Variants in IQSEC1 observed in about 807,000 individuals in gnomAD.
IQSEC1 encodes IQ motif and SEC7 domain-containing protein 1.
Under a neutral mutation model 91.0 loss-of-function variants are expected in IQSEC1, and 31 were observed. The ratio of observed to expected loss-of-function variants is 0.34; its 90% CI spans 0.26 to 0.46. The LOEUF is 0.46. Among genes scored for constraint, IQSEC1 ranks in the 20% least tolerant of loss-of-function variants. The pLI is 1.00. For synonymous variants in IQSEC1, 699 were observed against 662.6 expected, an observed-to-expected ratio of 1.05 and a Z score of -0.84; for missense variants, 1,388 against 1,575.6, an observed-to-expected ratio of 0.88 and a Z score of 2.02.
rs187202637 is a variant in IQSEC1, at chr3:12,901,763, A to C, written c.2806-241T>G. ...GGGAGTGAGGGCAGGGGAGGGGCCC[A>C]TCTCTCTGACCACCACGGCAGAAGT... On this transcript the variant is annotated intron_variant, in intron 13 of 13. Transcript: ENST00000613206. Among the ~76,000 whole-genome samples the C allele has an allele frequency of 3.1e-4, 47 of 152,246 alleles. 1 individual carries two copies. In the East Asian group the frequency reaches 8.5e-3, roughly 28 times the overall value.
chr3:13,065,896 T>C (rs1324377850), intron 1 of IQSEC1, among the ~76,000 whole-genome samples: 2 of 152,194 alleles, frequency 1.3e-5, no homozygotes, highest in Non-Finnish European at 2.9e-5. Flanking sequence ...TGGAACAGTG[T>C]TCAGCTTTAA....
At chr3:13,032,820 G>A (rs541885510) in intron 1 of IQSEC1, among the ~76,000 whole-genome samples, 159 of 152,202 alleles carry the variant, frequency 1.0e-3, no homozygotes, top group African/African-American at 3.6e-3. Context: ...TCCTGACCTC[G>A]TGATCCGCCT....
chr3:13,095,498 A>G (rs1268263712), intron 2 of IQSEC1, among the ~76,000 whole-genome samples: 1 of 152,080 alleles, frequency 6.6e-6, no homozygotes, highest in African/African-American at 2.4e-5. Flanking sequence ...TGTGTTTCCT[A>G]CTTAATGCAT....
chr3:13,082,573 C>A (rs1447931697), intron 2 of IQSEC1, among the ~76,000 whole-genome samples: 8 of 152,230 alleles, frequency 5.3e-5, no homozygotes, highest in Non-Finnish European at 1.2e-4. Flanking sequence ...CAGGAGCTCT[C>A]TGCCTTGTCA....
rs117856786 is a variant in IQSEC1, at chr3:13,195,946, C to T, written c.273-31813G>A. Among the ~76,000 whole-genome samples the T allele has an allele frequency of 1.2e-3, 178 of 152,208 alleles. 1 individual carries two copies. The highest frequency in any genetic ancestry group is 8.1e-3 in the East Asian group (42 of 5,190). The stretch of plus-strand genomic sequence containing the variant: ...ATTGGAGGAAACTGGGTGGAGGGGA[C>T]GTGGGTCTGTCTGTATTATTTCTTA... On this transcript the variant is annotated intron_variant, in intron 1 of 15. Transcript: ENST00000648114.
intron 10 of IQSEC1, among the ~76,000 whole-genome samples, chr3:12,910,251 C>T (rs1012293576): frequency 2.0e-5 from 3 of 152,222 alleles, no homozygotes; most frequent in South Asian, 2.1e-4. Context: ...CAGTTTGAGA[C>T]CCCTGGAATG....
intron 1 of IQSEC1, among the ~76,000 whole-genome samples, chr3:13,052,106 T>C (rs1339233703): frequency 1.3e-5 from 2 of 152,180 alleles, no homozygotes; most frequent in Non-Finnish European, 1.5e-5. Flanking sequence ...TGTGTCCACA[T>C]GGTTCCCTCT....
At position 13,047,901 on chromosome 3, in the gene IQSEC1, C is replaced by G. The variant is rs569247841; in HGVS notation, c.23+25091G>C. On this transcript the variant is annotated intron_variant, in intron 1 of 13. Transcript: ENST00000613206. ...TGCTCCTTCCCCAAAGAGCCCTGCA[C>G]CAGGAATCTCAGCAGACCCATGGGT... Among the ~76,000 whole-genome samples the G allele has an allele frequency of 1.1e-4, 16 of 152,266 alleles. 1 individual carries two copies. The highest frequency in any genetic ancestry group is 3.6e-4 in the African/African-American group (15 of 41,530).
At chr3:13,056,283 G>A (rs954543756) in intron 1 of IQSEC1, among the ~76,000 whole-genome samples, 14 of 152,174 alleles carry the variant, frequency 9.2e-5, no homozygotes, top group Admixed American at 5.9e-4. Flanking sequence ...TGCAATCCTT[G>A]GAGTTCAGCC....
intron 1 of IQSEC1, among the ~76,000 whole-genome samples, chr3:13,202,087 C>T (rs1694255451): frequency 6.6e-6 from 1 of 152,220 alleles, no homozygotes; most frequent in Non-Finnish European, 1.5e-5. Context: ...CTCATTCTAC[C>T]ACGTGCAAAA....
rs1361219440 is a variant in IQSEC1 at position 13,159,584 on chromosome 3, C to T, written c.302+4520G>A. On this transcript the variant is annotated intron_variant, in intron 2 of 15. Transcript: ENST00000648114. ...ATCCCACCTTTGCACTCGAAATCCA[C>T]GTCATCCTAGGCAAGCTGTTTTGTA... Among the ~76,000 whole-genome samples, 7 of 152,256 alleles carry T rather than the reference C, an allele frequency of 4.6e-5. No individual in the cohort carries two copies. The East Asian group carries it at 1.2e-3, about 25-fold the overall frequency.
At chr3:13,002,547 C>CAAAAAAAAAAAAAAA (rs57241537) in intron 1 of IQSEC1, among the ~76,000 whole-genome samples, 2 of 107,266 alleles carry the variant, frequency 1.9e-5, no homozygotes, top group Non-Finnish European at 3.9e-5. Context: ...ACCTGATCTC[C>CAAAAAAAAAAAAAAA]AAAAAAAAAA....
At chr3:12,959,013 T>C (rs1030207640) in intron 1 of IQSEC1, among the ~76,000 whole-genome samples, 2 of 152,110 alleles carry the variant, frequency 1.3e-5, no homozygotes, top group Admixed American at 6.5e-5. Flanking sequence ...GAAGCCAATT[T>C]GGGGAGAGGG....
intron 3 of IQSEC1, among the ~76,000 whole-genome samples, chr3:12,930,485 G>C (rs866154989): frequency 6.6e-6 from 1 of 152,190 alleles, no homozygotes; most frequent in Non-Finnish European, 1.5e-5. Context: ...CATCCTGCTT[G>C]CCCAAGTGGT....
chr3:13,113,592 A>C (rs899464955), intron 2 of IQSEC1, among the ~76,000 whole-genome samples: 2 of 152,104 alleles, frequency 1.3e-5, no homozygotes, highest in African/African-American at 4.8e-5. Context: ...CGCGGAGAGA[A>C]GACGAGGCCT....
chr3:13,174,833 T>TCCCCCCCCCCCCCC (rs754194155), intron 1 of IQSEC1, among the ~76,000 whole-genome samples: 17 of 112,692 alleles, frequency 1.5e-4, no homozygotes, highest in Non-Finnish European at 1.9e-4. Context: ...GTCTTTCTGC[T>TCCCCCCCCCCCCCC]CCCCCCCCCC....
intron 2 of IQSEC1, among the ~76,000 whole-genome samples, chr3:13,082,403 G>A (rs1476292495): frequency 2.0e-5 from 3 of 152,232 alleles, no homozygotes; most frequent in East Asian, 1.9e-4. Context: ...GGAGGAAGGC[G>A]CAGGCCTGGA....
At chr3:13,245,710 T>C (rs1327151416) in intron 1 of IQSEC1, among the ~76,000 whole-genome samples, 2 of 148,044 alleles carry the variant, frequency 1.4e-5, no homozygotes, top group African/African-American at 5.1e-5. Flanking sequence ...GAGGTTGCAG[T>C]GAGCAGAGGT....
rs183816284 is a variant in IQSEC1, at chr3:12,935,933, C to T, written c.1083G>A (p.Glu361=). Residue 361 remains glutamate, a synonymous_variant, in exon 3 of 14, where the codon GAG becomes GAA. Coordinates refer to ENST00000613206, the MANE Select transcript of IQSEC1 (RefSeq NM_001134382.3). This position sits in a 1 kb window ranked among gnomAD's most constrained non-coding sequence, Gnocchi z 8.0. ...GCTCGATGGTGAGCAGCGGCAGATG[C>T]TCCACCCGCAGCCGCTGCTCCTGCC... ...LERQEQRLRV[E]HLPLLTIEPP... is the part of the protein sequence containing the mutation. The T allele has an allele frequency of 2.5e-6, 4 of 1,599,242 alleles. No homozygotes were observed. The highest frequency in any genetic ancestry group is 3.4e-6 in the Non-Finnish European group (4 of 1,179,356).
Sources: allele counts gnomAD v4.1 joint callset (sites outside exome capture counted in the v4.1 genomes callset), GRCh38; gene constraint gnomAD v4.1.1; non-coding constraint Gnocchi (gnomAD v3.1); transcripts MANE v1.5; gene names NCBI Gene and HGNC (gene_info 2026-07-23, HGNC 2026-07-21).